DIP2B: variants seen among roughly 807,000 people sequenced by gnomAD.
DIP2B encodes the protein DIP2 acetate--CoA ligase B (putative), also known as disco-interacting protein 2 homolog B.
DIP2B carries 76 observed loss-of-function variants against 198.0 expected under a neutral mutation model. That is an observed-to-expected ratio of 0.38 (90% CI 0.32 to 0.46). The LOEUF (loss-of-function observed/expected upper bound fraction) is 0.46, where lower values mean the gene tolerates loss of function less well. DIP2B is among the 20% of genes least tolerant of loss of function. The pLI is 0.99. For missense variants in DIP2B, 1,559 were observed against 1,978.4 expected (o/e 0.79, Z 4.02); for synonymous variants, 701 against 739.1 (o/e 0.95, Z 0.84).
At chr12:50,607,000 C>T (rs545231121) in intron 1 of DIP2B, among the ~76,000 whole-genome samples, 51 of 152,088 alleles carry the variant, frequency 3.4e-4, no homozygotes, top group African/African-American at 1.2e-3. Flanking sequence ...GATGAGGTCT[C>T]ACTATGTTGC....
intron 1 of DIP2B, among the ~76,000 whole-genome samples, chr12:50,592,950 G>C (rs1958832358): frequency 6.6e-6 from 1 of 151,582 alleles, no homozygotes; most frequent in African/African-American, 2.4e-5. Flanking sequence ...ACTGATGGCT[G>C]ACCTGTTCAC....
chr12:50,705,051 A>T (rs1939490247), intron 20 of DIP2B, among the ~76,000 whole-genome samples: 2 of 152,212 alleles, frequency 1.3e-5, no homozygotes, highest in South Asian at 4.1e-4. Flanking sequence ...GTTCTCAAAG[A>T]GCTCACAGTG....
In DIP2B at chr12:50,681,328, C is replaced by T. The variant is rs141353701; in HGVS notation, c.1206+565C>T. On this transcript the variant is annotated intron_variant, in intron 9 of 37. Transcript: ENST00000301180. ...GCATGCACCTGTAGTCCCAGCTACT[C>T]GGGAGGTTAAGGCGGGAGGATTGCT... 2.9e-3 allele frequency among the ~76,000 whole-genome samples: 445 copies of T among 151,572 alleles called. 5 individuals are homozygous for T. Among genetic ancestry groups the T allele is most frequent in the African/African-American group, 0.01 (422 of 41,290 alleles).
chr12:50,731,333 A>T (rs1940038628), intron 30 of DIP2B, 36 bp from the exon 31 acceptor site: 2 of 1,601,904 alleles, frequency 1.2e-6, no homozygotes, highest in African/African-American at 1.3e-5. Flanking sequence ...ATCCAGGATG[A>T]ATTGATGATT....
At chr12:50,516,796 G>A (rs1000441426) in intron 1 of DIP2B, among the ~76,000 whole-genome samples, 2 of 151,976 alleles carry the variant, frequency 1.3e-5, no homozygotes, top group African/African-American at 2.4e-5. Context: ...CCAACATGGC[G>A]AAACCCTATC....
chr12:50,727,194 A>G lies in DIP2B; in HGVS notation c.3401-509A>G, dbSNP rs553714976. Among the ~76,000 whole-genome samples, 21 of 152,340 alleles carry G rather than the reference A, an allele frequency of 1.4e-4. No homozygotes were observed. The East Asian group carries it at 4.0e-3, about 29-fold the overall frequency. ...TAAATCCATACATGATTAATATAAC[A>G]CATACTAAAGTGTAAATAATGAACT... is the stretch of plus-strand genomic sequence containing the variant. On this transcript the variant is annotated intron_variant, in intron 28 of 37. Coordinates refer to ENST00000301180, the MANE Select transcript of DIP2B (RefSeq NM_173602.3).
At chr12:50,673,009 A>G (rs1464545343) in intron 5 of DIP2B, among the ~76,000 whole-genome samples, 4 of 152,104 alleles carry the variant, frequency 2.6e-5, no homozygotes, top group South Asian at 2.1e-4. Context: ...ATTTTTTGCT[A>G]TTATAAAAAC....
At chr12:50,661,781 A>T (rs1341192837) in intron 4 of DIP2B, among the ~76,000 whole-genome samples, 1 of 152,202 alleles carries the variant, frequency 6.6e-6, no homozygotes, top group Non-Finnish European at 1.5e-5. Flanking sequence ...AGTAAATGGC[A>T]AAGGGTAGGG....
chr12:50,720,756 T>G (rs1439446176), intron 25 of DIP2B, among the ~76,000 whole-genome samples: 3 of 152,170 alleles, frequency 2.0e-5, no homozygotes, highest in African/African-American at 7.2e-5. Flanking sequence ...ATCACTGCAC[T>G]GCAGCTTGGG....
chr12:50,716,019 G>A (rs938704023), intron 23 of DIP2B, among the ~76,000 whole-genome samples: 9 of 152,196 alleles, frequency 5.9e-5, no homozygotes, highest in Admixed American at 2.6e-4. Flanking sequence ...ATAGACTCAC[G>A]AAATGCACAC....
intron 28 of DIP2B, among the ~76,000 whole-genome samples, chr12:50,726,165 A>G (rs1488469870): frequency 1.3e-5 from 2 of 152,194 alleles, no homozygotes; most frequent in Non-Finnish European, 2.9e-5. Context: ...GCCCCATGTT[A>G]TGGTGATTTA....
intron 1 of DIP2B, among the ~76,000 whole-genome samples, chr12:50,539,742 ATTAC>A (rs1178478022): frequency 6.6e-6 from 1 of 151,982 alleles, no homozygotes; most frequent in Non-Finnish European, 1.5e-5. Flanking sequence ...GGCCTCTTCT[ATTAC>A]TTTTCTCTCA....
chr12:50,593,702 T>TCCCCTCCTCTCCTCTCCC, intron 1 of DIP2B, among the ~76,000 whole-genome samples: 1 of 56,530 alleles, frequency 1.8e-5, no homozygotes, highest in African/African-American at 7.3e-5. Context: ...TCTCCTCTCC[T>TCCCCTCCTCTCCTCTCCC]CTCCCCTCCT....
In DIP2B at chr12:50,693,745, T is replaced by C. The variant is rs551768926; in HGVS notation, c.1719+732T>C. Among the ~76,000 whole-genome samples the C allele has an allele frequency of 7.9e-5, 12 of 152,282 alleles. No homozygotes were observed. The South Asian group carries it at 2.5e-3, about 32-fold the overall frequency. ...CTTCTCTGTGATACCAAGTGCAAGATAGGGACATGTGTGAAGAATTGAGTT... is the reference window on the plus strand; with the variant it reads ...CTTCTCTGTGATACCAAGTGCAAGACAGGGACATGTGTGAAGAATTGAGTT... On this transcript the variant is annotated intron_variant, in intron 14 of 37. Coordinates refer to ENST00000301180, the MANE Select transcript of DIP2B (RefSeq NM_173602.3).
intron 11 of DIP2B, 108 bp downstream of exon 11, chr12:50,686,064 T>G: frequency 1.7e-6 from 2 of 1,142,930 alleles, no homozygotes; most frequent in Non-Finnish European, 2.4e-6. Context: ...TTCTATTTAA[T>G]TCTCATAGTC....
At chr12:50,542,990 C>T (rs568573333) in intron 1 of DIP2B, among the ~76,000 whole-genome samples, 2 of 152,094 alleles carry the variant, frequency 1.3e-5, no homozygotes, top group Non-Finnish European at 2.9e-5. Context: ...ACCTCAGCCT[C>T]CTAAGTAGCT....
Position 50,732,541 on chromosome 12 carries a change from C to G in DIP2B, c.3981+5C>G, listed in dbSNP as rs369093179. On this transcript the variant is annotated splice_donor_5th_base_variant and intron_variant, in intron 32 of 37. Transcript: ENST00000301180. ...AATGTAGCAATATGTTTACAGGTGACCCTCATGAAATCTTGTCTGTTGACA... is the reference window on the plus strand; with the variant it reads ...AATGTAGCAATATGTTTACAGGTGAGCCTCATGAAATCTTGTCTGTTGACA... The G allele has an allele frequency of 6.2e-7, 1 of 1,613,864 alleles. No individual in the cohort carries two copies. The highest frequency in any genetic ancestry group is 8.5e-7 in the Non-Finnish European group (1 of 1,179,948).
intron 16 of DIP2B, among the ~76,000 whole-genome samples, chr12:50,696,788 G>C (rs1939320328): frequency 6.6e-6 from 1 of 152,168 alleles, no homozygotes; most frequent in Non-Finnish European, 1.5e-5. Flanking sequence ...TGTTATCTCT[G>C]ATACTGATTT....
chr12:50,626,793 CT>C (rs1937945007), intron 2 of DIP2B, among the ~76,000 whole-genome samples: 1 of 112,064 alleles, frequency 8.9e-6, no homozygotes, highest in Non-Finnish European at 1.8e-5. Flanking sequence ...TTTTTTTTTA[CT>C]GAATTATAAA....
Sources: gnomAD v4.1 joint callset for allele counts (sites outside exome capture counted in the v4.1 genomes callset) on GRCh38, gnomAD v4.1.1 for gene constraint, MANE v1.5 for transcripts, NCBI Gene and HGNC (gene_info 2026-07-23, HGNC 2026-07-21) for gene names.